ATP13A3: variants seen among roughly 807,000 people sequenced by gnomAD.
The protein encoded by ATP13A3 is polyamine-transporting ATPase 13A3.
A neutral mutation model predicts 158.1 loss-of-function variants in ATP13A3; 59 were observed. The observed-to-expected ratio is 0.37, with a 90% CI of 0.30 to 0.46. ATP13A3 has a LOEUF of 0.46. Among genes scored for constraint, ATP13A3 ranks in the 20% least tolerant of loss-of-function variants. The pLI is 1.00. For synonymous variants in ATP13A3, 491 were observed against 504.3 expected (o/e 0.97, Z 0.35); for missense variants, 1,166 against 1,525.2 (o/e 0.76, Z 3.92).
At chr3:194,479,595 A>T (rs923605003) in intron 2 of ATP13A3, among the ~76,000 whole-genome samples, 3 of 151,888 alleles carry the variant, frequency 2.0e-5, no homozygotes, top group Admixed American at 6.6e-5. Flanking sequence ...AATAAAATTT[A>T]AAAAAAAGAA....
chr3:194,430,202 G>A, intron 25 of ATP13A3, 21 bp from the exon 26 acceptor site: 1 of 1,613,166 alleles, frequency 6.2e-7, no homozygotes, highest in Non-Finnish European at 8.5e-7. Context: ...TAAGAAAACT[G>A]GTTAAGTTTT....
In ATP13A3 at chr3:194,427,091, A is replaced by G. The variant is rs201944608; in HGVS notation, c.3109T>C (p.Trp1037Arg). Reference sequence around the variant, plus strand: ...CCAACTTACTCTGATTTTGGATGCCACACTTCATACCAAGGTTGCTGTTTG... The same window carrying G: ...CCAACTTACTCTGATTTTGGATGCCGCACTTCATACCAAGGTTGCTGTTTG... ...WVKQQPWYEV[W>R]HPKSDACNTT... The change falls in exon 29 of 34, where the codon TGG becomes CGG. Residue 1037 changes from tryptophan to arginine, a missense_variant. Trp to Arg is a moderately radical substitution (Grantham distance 101, BLOSUM62 -3). This residue lies in a region of ATP13A3 where 997 missense variants were observed against 1,341.2 expected (regional missense o/e 0.74). Transcript: ENST00000645319. 6.8e-6 allele frequency: 11 copies of G among 1,612,944 alleles called. No individual in the cohort carries two copies. The highest frequency in any genetic ancestry group is 5.1e-6 in the Non-Finnish European group (6 of 1,179,804).
At position 194,430,876 on chromosome 3, in the gene ATP13A3, T is replaced by G. The variant is rs557011861; in HGVS notation, c.2624+67A>C. On this transcript the variant is annotated intron_variant, in intron 24 of 33. Coordinates refer to ENST00000645319, the MANE Select transcript of ATP13A3 (RefSeq NM_001367549.1). ...AGTATAAGAAACATATAAAAATTAT[T>G]TTTCTGATGCTGAAATGAAACCATC... The G allele has an allele frequency of 1.3e-4, 168 of 1,255,416 alleles. No individual in the cohort carries two copies. In the African/African-American group the frequency reaches 2.4e-3, roughly 18 times the overall value. 77.8% of individuals were successfully genotyped at this position (1,255,416 alleles called of 1,614,324 possible).
intron 11 of ATP13A3, among the ~76,000 whole-genome samples, chr3:194,449,798 T>C (rs1159557642): frequency 6.6e-5 from 10 of 152,148 alleles, no homozygotes. Flanking sequence ...ATAAAATCTT[T>C]CTTTATTCCC....
intron 2 of ATP13A3, among the ~76,000 whole-genome samples, chr3:194,484,736 T>C (rs1304709034): frequency 6.6e-6 from 1 of 152,178 alleles, no homozygotes; most frequent in Non-Finnish European, 1.5e-5. Context: ...CTGTGTGTTG[T>C]ATATTTGGTG....
intron 11 of ATP13A3, among the ~76,000 whole-genome samples, chr3:194,449,693 A>C (rs182625905): frequency 7.8e-4 from 112 of 143,208 alleles, no homozygotes; most frequent in Non-Finnish European, 1.4e-3. Flanking sequence ...AACAAACAAA[A>C]AAAAAACAAA....
intron 4 of ATP13A3, among the ~76,000 whole-genome samples, chr3:194,460,360 G>A (rs776533323): frequency 2.6e-5 from 4 of 152,142 alleles, no homozygotes; most frequent in South Asian, 2.1e-4. Context: ...CCTAGTGACC[G>A]AGATCTGGAC....
chr3:194,483,255 G>C (rs1218844817), intron 2 of ATP13A3, among the ~76,000 whole-genome samples: 1 of 151,640 alleles, frequency 6.6e-6, no homozygotes, highest in Non-Finnish European at 1.5e-5. Context: ...CTACACTCTA[G>C]CCTGAGTGAG....
At chr3:194,458,991 C>T (rs1484443200) in intron 6 of ATP13A3, 1 of 153,694 alleles carries the variant, frequency 6.5e-6, no homozygotes, top group Admixed American at 6.5e-5. Flanking sequence ...TTAATGTGTA[C>T]TTATATAACT....
intron 24 of ATP13A3, among the ~76,000 whole-genome samples, chr3:194,430,685 A>G (rs1717152064): frequency 6.6e-6 from 1 of 152,242 alleles, no homozygotes; most frequent in Non-Finnish European, 1.5e-5. Context: ...TAAAATGATT[A>G]GCCACTTCTA....
At position 194,455,890 on chromosome 3, in the gene ATP13A3, T is replaced by A; in HGVS notation, c.630+3A>T. The A allele has an allele frequency of 6.7e-7, 1 of 1,500,948 alleles. No homozygotes were observed. Among genetic ancestry groups the A allele is most frequent in the Non-Finnish European group, 9.1e-7 (1 of 1,096,044 alleles). The allele number at this position is 1,500,948 out of a possible 1,614,324, so 93.0% of individuals were successfully genotyped here. A position where few individuals can be genotyped will look rare whatever the true frequency, so the allele number is the denominator to read the frequency against. On this transcript the variant is annotated splice_donor_region_variant and intron_variant, in intron 8 of 33. Transcript: ENST00000645319. ...TTAAGTTATATACAATCAATAGTCT[T>A]ACCTCTTTAATTAGAAGCTTAAAAA...
chr3:194,478,353 G>A (rs1025829196), intron 2 of ATP13A3, among the ~76,000 whole-genome samples: 3 of 151,772 alleles, frequency 2.0e-5, no homozygotes, highest in African/African-American at 7.3e-5. Flanking sequence ...GGGAGAAAGA[G>A]AGAACCAAGA....
intron 21 of ATP13A3, among the ~76,000 whole-genome samples, chr3:194,432,357 G>A (rs1052799623): frequency 1.3e-5 from 2 of 152,128 alleles, no homozygotes; most frequent in Non-Finnish European, 2.9e-5. Flanking sequence ...ATAAGAACAG[G>A]TGTAAACGAG....
intron 10 of ATP13A3, chr3:194,452,827 A>G (rs568587871): frequency 6.6e-6 from 1 of 152,278 alleles, no homozygotes; most frequent in East Asian, 1.9e-4. Flanking sequence ...CCCCTAATAC[A>G]TAAGTTGGCT....
At chr3:194,413,519 T>C (rs1303029814) in intron 32 of ATP13A3, among the ~76,000 whole-genome samples, 1 of 152,224 alleles carries the variant, frequency 6.6e-6, no homozygotes, top group East Asian at 1.9e-4. Flanking sequence ...GTCATTAATT[T>C]TTATTATCAC....
chr3:194,486,303 G>T (rs1305619455), intron 1 of ATP13A3, among the ~76,000 whole-genome samples: 4 of 151,950 alleles, frequency 2.6e-5, no homozygotes, highest in Non-Finnish European at 1.5e-5. Flanking sequence ...AGGACTTTCC[G>T]AAAGCTCTGA....
At chr3:194,408,830 A>C (rs1204079595) in intron 33 of ATP13A3, among the ~76,000 whole-genome samples, 1 of 152,188 alleles carries the variant, frequency 6.6e-6, no homozygotes, top group Non-Finnish European at 1.5e-5. Flanking sequence ...AACACAATAT[A>C]ATTCACTGGA....
At chr3:194,459,742 T>C in intron 5 of ATP13A3, 47 bp downstream of exon 5, 1 of 1,552,978 alleles carries the variant, frequency 6.4e-7, no homozygotes, top group Non-Finnish European at 8.8e-7. Context: ...GCATAAAATG[T>C]AACAATTCTG....
intron 2 of ATP13A3, among the ~76,000 whole-genome samples, chr3:194,469,886 C>T (rs1720219779): frequency 6.6e-6 from 1 of 152,052 alleles, no homozygotes; most frequent in Non-Finnish European, 1.5e-5. Flanking sequence ...AAAATATGCC[C>T]CAATACGTTT....
Sources: gnomAD v4.1 joint callset for allele counts (sites outside exome capture counted in the v4.1 genomes callset) on GRCh38, gnomAD v4.1.1 for gene constraint, gnomAD v4.1.1 regional missense constraint, MANE v1.5 for transcripts, NCBI Gene and HGNC (gene_info 2026-07-23, HGNC 2026-07-21) for gene names.